The following CD274 variants were observed in gnomAD, a reference collection of about 807,000 sequenced individuals.
CD274 encodes CD274 molecule.
CD274 carries 8 observed loss-of-function variants against 30.1 expected under a neutral mutation model. The observed-to-expected ratio is 0.27, with a 90% CI of 0.16 to 0.48. CD274 has a LOEUF of 0.48. Ranked by LOEUF, CD274 falls within the 20% of genes least tolerant of loss-of-function variation. CD274 has a pLI of 0.99. For synonymous variants in CD274, 152 were observed against 124.6 expected, an observed-to-expected ratio of 1.22 and a Z score of -1.46; for missense variants, 353 against 346.6, an observed-to-expected ratio of 1.02 and a Z score of -0.15.
chr9:5,469,752 ATTTG>A lies in CD274; in HGVS notation c.*1894_*1897del, dbSNP rs1819559244. ...GTATTTGCTCTAGGACAGAGTTTGG[ATTTG>A]TTTATGTTTGCTCAAAAGGAGACCC... On this transcript the variant is annotated 3_prime_UTR_variant, in exon 7 of 7. Transcript: ENST00000381577. The A allele has an allele frequency of 1.7e-5, 4 of 232,758 alleles. No individual in the cohort carries two copies. Among genetic ancestry groups the A allele is most frequent in the Non-Finnish European group, 3.4e-5 (4 of 117,780 alleles). The allele number at this position is 232,758 out of a possible 1,614,324, so 14.4% of individuals were successfully genotyped here. A position where few individuals can be genotyped will look rare whatever the true frequency, so the allele number is the denominator to read the frequency against.
chr9:5,459,794 A>G (rs1819372550), intron 3 of CD274, among the ~76,000 whole-genome samples: 1 of 152,114 alleles, frequency 6.6e-6, no homozygotes, highest in Non-Finnish European at 1.5e-5. Flanking sequence ...AGAACCTTCA[A>G]TGAGATTAGG....
rs1819546037 is a variant in CD274 at position 5,469,146 on chromosome 9, G to A, written c.*1284G>A. ...TCAGAGTAATTTTCATTTACAAAGA[G>A]AGGTCGGTACTTAAAATAACCCTGA... On this transcript the variant is annotated 3_prime_UTR_variant, in exon 7 of 7. Transcript: ENST00000381577. 1 of 232,950 alleles carries A rather than the reference G, an allele frequency of 4.3e-6. No homozygotes were observed. The highest frequency in any genetic ancestry group is 2.2e-5 in the African/African-American group (1 of 45,314). 14.4% of individuals were successfully genotyped at this position (232,950 alleles called of 1,614,324 possible).
At position 5,463,099 on chromosome 9, in the gene CD274, T is replaced by C. The variant is rs751139116; in HGVS notation, c.660T>C (p.His220=). The stretch of plus-strand genomic sequence containing the variant: ...GGAGATTAGATCCTGAGGAAAACCA[T>C]ACAGCTGAATTGGTCATCCCAGGTA... ...TFRRLDPEEN[H]TAELVIPELP... The change falls in exon 4 of 7, where the codon CAT becomes CAC. Residue 220 remains histidine (H), a synonymous_variant. Coordinates refer to ENST00000381577, the MANE Select transcript of CD274 (RefSeq NM_014143.4). 49 of 1,613,872 alleles carry C rather than the reference T, an allele frequency of 3.0e-5. No homozygotes were observed. The East Asian group carries it at 1.0e-3, about 34-fold the overall frequency.
chr9:5,457,344 G>A lies in CD274; in HGVS notation c.318G>A (p.Leu106=), dbSNP rs1160255783. 1 of 1,614,138 alleles carries A rather than the reference G, an allele frequency of 6.2e-7. No individual in the cohort carries two copies. Among genetic ancestry groups the A allele is most frequent in the Non-Finnish European group, 8.5e-7 (1 of 1,180,012 alleles). Residue 106 remains leucine (L), a synonymous_variant, in exon 3 of 7, where the codon TTG becomes TTA. Coordinates refer to ENST00000381577, the MANE Select transcript of CD274 (RefSeq NM_014143.4). ...NAALQITDVK[L]QDAGVYRCMI... is the part of the protein sequence containing the mutation. ...CACTTCAGATCACAGATGTGAAATT[G>A]CAGGATGCAGGGGTGTACCGCTGCA...
intron 4 of CD274, 124 bp from the exon 5 acceptor site, chr9:5,465,375 A>T: frequency 1.7e-6 from 1 of 604,610 alleles, no homozygotes. Context: ...AGCCACTCAA[A>T]CTTTGGCATT....
chr9:5,466,675 C>T, intron 5 of CD274, 95 bp from the exon 6 acceptor site: 1 of 906,186 alleles, frequency 1.1e-6, no homozygotes, highest in Non-Finnish European at 1.7e-6. Flanking sequence ...CTAGGGATTA[C>T]AAATGTTTCA....
intron 3 of CD274, 132 bp from the exon 4 acceptor site, chr9:5,462,702 G>C: frequency 1.3e-6 from 1 of 749,446 alleles, no homozygotes; most frequent in Non-Finnish European, 2.1e-6. Flanking sequence ...CACGGCTGAG[G>C]CATCTGAACA....
At chr9:5,457,734 G>A (rs890952293) in intron 3 of CD274, among the ~76,000 whole-genome samples, 2 of 152,172 alleles carry the variant, frequency 1.3e-5, no homozygotes, top group African/African-American at 2.4e-5. Flanking sequence ...TTCAGATACT[G>A]TGGAAGAGAT....
At chr9:5,457,580 A>T (rs983454899) in intron 3 of CD274, among the ~76,000 whole-genome samples, 160 bp downstream of exon 3, 1 of 152,186 alleles carries the variant, frequency 6.6e-6, no homozygotes. Flanking sequence ...TAATTATCCA[A>T]TTTCTTGAGC....
chr9:5,459,750 C>T (rs951968561), intron 3 of CD274, among the ~76,000 whole-genome samples: 1 of 152,156 alleles, frequency 6.6e-6, no homozygotes, highest in Non-Finnish European at 1.5e-5. Flanking sequence ...CTGAACCTAA[C>T]AGCAGGGAAA....
At chr9:5,455,830 G>A (rs1436787376) in intron 1 of CD274, among the ~76,000 whole-genome samples, 5 of 152,130 alleles carry the variant, frequency 3.3e-5, no homozygotes, top group Non-Finnish European at 5.9e-5. Flanking sequence ...GGCTTCTTTT[G>A]AGTGGGCAGA....
Position 5,470,398 on chromosome 9 carries a change from A to G in CD274, c.*2536A>G, listed in dbSNP as rs181739678. On this transcript the variant is annotated 3_prime_UTR_variant, in exon 7 of 7. Coordinates refer to ENST00000381577, the MANE Select transcript of CD274 (RefSeq NM_014143.4). The stretch of plus-strand genomic sequence containing the variant: ...TGTCTCATGTTTCATCGTAAATGGC[A>G]TAGGCAGAGATGATACCTAATTCTG... The G allele has an allele frequency of 4.3e-6, 1 of 231,672 alleles. No homozygotes were observed. The highest frequency in any genetic ancestry group is 5.6e-5 in the Admixed American group (1 of 17,756). The allele number at this position is 231,672 out of a possible 1,614,324, so 14.4% of individuals were successfully genotyped here. A position where few individuals can be genotyped will look rare whatever the true frequency, so the allele number is the denominator to read the frequency against.
At chr9:5,456,401 T>A (rs891705877) in intron 2 of CD274, among the ~76,000 whole-genome samples, 3 of 152,196 alleles carry the variant, frequency 2.0e-5, no homozygotes, top group African/African-American at 4.8e-5. Flanking sequence ...CAAAATAATC[T>A]ATTACCCATT....
intron 5 of CD274, among the ~76,000 whole-genome samples, chr9:5,466,243 C>T (rs1819496123): frequency 6.6e-6 from 1 of 151,982 alleles, no homozygotes; most frequent in African/African-American, 2.4e-5. Flanking sequence ...AAGGGGATTC[C>T]AATAGTCGTT....
intron 1 of CD274, among the ~76,000 whole-genome samples, chr9:5,454,661 G>A (rs989610422): frequency 6.6e-6 from 1 of 151,398 alleles, no homozygotes; most frequent in Non-Finnish European, 1.5e-5. Flanking sequence ...GTGTGTTTTT[G>A]TTTTAGTAGG....
intron 1 of CD274, among the ~76,000 whole-genome samples, chr9:5,454,646 T>A (rs901279610): frequency 3.9e-5 from 6 of 152,048 alleles, no homozygotes; most frequent in African/African-American, 1.4e-4. Flanking sequence ...TATATATGTG[T>A]GTGTGTGTGT....
chr9:5,469,746 G>A lies in CD274; in HGVS notation c.*1884G>A, dbSNP rs1819558997. 4.3e-6 allele frequency: 1 copy of A among 232,594 alleles called. No homozygotes were observed. Among genetic ancestry groups the A allele is most frequent in the Admixed American group, 5.6e-5 (1 of 17,750 alleles). The allele number at this position is 232,594 out of a possible 1,614,324, so 14.4% of individuals were successfully genotyped here. A position where few individuals can be genotyped will look rare whatever the true frequency, so the allele number is the denominator to read the frequency against. ...TGTTAAGTATTTGCTCTAGGACAGA[G>A]TTTGGATTTGTTTATGTTTGCTCAA... On this transcript the variant is annotated 3_prime_UTR_variant, in exon 7 of 7. Transcript: ENST00000381577.
intron 3 of CD274, 152 bp downstream of exon 3, chr9:5,457,572 A>G: frequency 1.5e-6 from 1 of 672,450 alleles, no homozygotes; most frequent in African/African-American, 1.8e-5. Context: ...CATTCACATA[A>G]TTATCCAATT....
rs1057511459 is a variant in CD274, at chr9:5,469,229, A to G, written c.*1367A>G. 4.3e-6 allele frequency: 1 copy of G among 232,998 alleles called. No individual in the cohort carries two copies. The highest frequency in any genetic ancestry group is 6.1e-5 in the East Asian group (1 of 16,520). 14.4% of individuals were successfully genotyped at this position (232,998 alleles called of 1,614,324 possible). Reference sequence around the variant, plus strand: ...TATTTATTCCTGATTTGCCTTTGCCATATAATCTAATGCTTGTTTATATAG... The same window carrying G: ...TATTTATTCCTGATTTGCCTTTGCCGTATAATCTAATGCTTGTTTATATAG... On this transcript the variant is annotated 3_prime_UTR_variant, in exon 7 of 7. Coordinates refer to ENST00000381577, the MANE Select transcript of CD274 (RefSeq NM_014143.4).
Sources: gnomAD v4.1 joint callset for allele counts (sites outside exome capture counted in the v4.1 genomes callset) on GRCh38, gnomAD v4.1.1 for gene constraint, MANE v1.5 for transcripts, NCBI Gene and HGNC (gene_info 2026-07-23, HGNC 2026-07-21) for gene names.